Variants in CCDC7 observed in about 807,000 individuals in gnomAD.
The protein encoded by CCDC7 is coiled-coil domain-containing protein 7.
CCDC7 carries 183 observed loss-of-function variants against 196.9 expected under a neutral mutation model. That is an observed-to-expected ratio of 0.93 (90% CI 0.82 to 1.05). The LOEUF is 1.05. Among genes scored for constraint, CCDC7 ranks in the 50% least tolerant of loss-of-function variants. The probability of loss-of-function intolerance (pLI) is 0.00; values close to 1 mark genes in which losing one functional copy is unlikely to be tolerated. For synonymous variants in CCDC7, 525 were observed against 484.6 expected (o/e 1.08, Z -1.10); for missense variants, 1,540 against 1,482.2 (o/e 1.04, Z -0.64).
chr10:32,529,505 A>G (rs2049286866), intron 11 of CCDC7, among the ~76,000 whole-genome samples: 1 of 152,118 alleles, frequency 6.6e-6, no homozygotes, highest in Non-Finnish European at 1.5e-5. Context: ...GTTTTGTATC[A>G]TATTTCCCTG....
chr10:32,645,644 G>A (rs780909399), intron 20 of CCDC7, among the ~76,000 whole-genome samples: 2 of 151,682 alleles, frequency 1.3e-5, no homozygotes, highest in Non-Finnish European at 2.9e-5. Context: ...GTAGCAGTCA[G>A]CAGTGAACCC....
chr10:32,688,102 C>T (rs2076669704), intron 22 of CCDC7, among the ~76,000 whole-genome samples: 1 of 152,040 alleles, frequency 6.6e-6, no homozygotes, highest in African/African-American at 2.4e-5. Flanking sequence ...TCCTCATCTT[C>T]CTTGGACACT....
At chr10:32,659,719 A>G (rs1457950472) in intron 20 of CCDC7, among the ~76,000 whole-genome samples, 2 of 152,226 alleles carry the variant, frequency 1.3e-5, no homozygotes, top group African/African-American at 2.4e-5. Context: ...CGACAATCAT[A>G]TAAAAAAAGC....
intron 11 of CCDC7, among the ~76,000 whole-genome samples, chr10:32,528,698 A>ATATATATATACATATATACGTATTTACG (rs1564558802): frequency 7.3e-5 from 10 of 136,228 alleles, no homozygotes; most frequent in Non-Finnish European, 1.4e-4. Context: ...ATACACACAC[A>ATATATATATACATATATACGTATTTACG]TATATATGTA....
chr10:32,518,221 G>T (rs2047351376), intron 10 of CCDC7, among the ~76,000 whole-genome samples, 195 bp from the exon 12 acceptor site: 3 of 152,048 alleles, frequency 2.0e-5, no homozygotes, highest in Admixed American at 2.0e-4. Flanking sequence ...CATCTGAATA[G>T]TTCCAGTCCT....
At chr10:32,753,889 T>G (rs1396648446) in intron 28 of CCDC7, among the ~76,000 whole-genome samples, 1 of 152,152 alleles carries the variant, frequency 6.6e-6, no homozygotes, top group Non-Finnish European at 1.5e-5. Flanking sequence ...ATAAATTTCG[T>G]TTTTTGTGAG....
At chr10:32,787,503 A>C (rs2082058364) in intron 29 of CCDC7, among the ~76,000 whole-genome samples, 2 of 152,238 alleles carry the variant, frequency 1.3e-5, no homozygotes, top group Admixed American at 1.3e-4. Flanking sequence ...CATAATCTGC[A>C]TCACTCCCTC....
chr10:32,489,359 G>C (rs1186337131), intron 8 of CCDC7, among the ~76,000 whole-genome samples: 1 of 152,166 alleles, frequency 6.6e-6, no homozygotes, highest in African/African-American at 2.4e-5. Flanking sequence ...CTGGAATGTG[G>C]TCACACCTGG....
intron 29 of CCDC7, among the ~76,000 whole-genome samples, chr10:32,804,334 G>A (rs1041168386): frequency 6.6e-6 from 1 of 152,098 alleles, no homozygotes; most frequent in Non-Finnish European, 1.5e-5. Flanking sequence ...CAATGGAAAA[G>A]TACCCAATTT....
intron 28 of CCDC7, among the ~76,000 whole-genome samples, chr10:32,759,228 A>C (rs2077005199): frequency 2.0e-5 from 3 of 152,212 alleles, no homozygotes; most frequent in Admixed American, 1.3e-4. Flanking sequence ...TTCTTCACAG[A>C]ATTGGAGAAA....
chr10:32,777,565 A>G (rs1233264943), intron 28 of CCDC7, among the ~76,000 whole-genome samples: 1 of 152,042 alleles, frequency 6.6e-6, no homozygotes, highest in Non-Finnish European at 1.5e-5. Context: ...TTTTAATAAT[A>G]GCTATTCTGG....
At chr10:32,689,216 G>T (rs143558991) in intron 23 of CCDC7, 53 bp downstream of exon 24, 2 of 1,184,578 alleles carry the variant, frequency 1.7e-6, no homozygotes, top group Non-Finnish European at 1.2e-6. Context: ...AAGTTCATCC[G>T]AAGGTATTTT....
At chr10:32,667,221 A>AT (rs1347240875) in intron 21 of CCDC7, among the ~76,000 whole-genome samples, 2 of 151,718 alleles carry the variant, frequency 1.3e-5, no homozygotes, top group African/African-American at 4.8e-5. Context: ...GGTTTGTTTG[A>AT]TTTTTTCTTG....
At chr10:32,803,192 C>T (rs562907139) in intron 29 of CCDC7, among the ~76,000 whole-genome samples, 8 of 152,244 alleles carry the variant, frequency 5.3e-5, no homozygotes, top group South Asian at 2.1e-4. Context: ...AGCCAAAAGG[C>T]GAAGTGATGA....
At chr10:32,487,097 G>C (rs946627980) in intron 8 of CCDC7, among the ~76,000 whole-genome samples, 4 of 152,054 alleles carry the variant, frequency 2.6e-5, no homozygotes, top group Non-Finnish European at 5.9e-5. Flanking sequence ...TTTCCAACTT[G>C]GTTCCATTCT....
chr10:32,673,671 G>GTA (rs776973586), intron 21 of CCDC7, among the ~76,000 whole-genome samples: 1,842 of 151,496 alleles, frequency 0.012, 21 homozygotes, highest in Non-Finnish European at 0.02. Flanking sequence ...GTGTGTGTGT[G>GTA]TGTGTGTGTG....
intron 18 of CCDC7, among the ~76,000 whole-genome samples, chr10:32,586,897 G>A (rs2059336559): frequency 6.6e-6 from 1 of 152,128 alleles, no homozygotes; most frequent in African/African-American, 2.4e-5. Context: ...GAGGATACAG[G>A]AGCAACACTC....
chr10:32,475,155 G>T (rs544096978), intron 8 of CCDC7, among the ~76,000 whole-genome samples: 1 of 152,220 alleles, frequency 6.6e-6, no homozygotes, highest in East Asian at 1.9e-4. Flanking sequence ...CTCTCAATCT[G>T]TATGGTTGCC....
intron 18 of CCDC7, among the ~76,000 whole-genome samples, chr10:32,632,647 C>T (rs1447698666): frequency 6.6e-6 from 1 of 151,806 alleles, no homozygotes; most frequent in African/African-American, 2.4e-5. Context: ...TTTTGTTTTT[C>T]TTCACCTCAA....
Sources: allele counts gnomAD v4.1 joint callset (sites outside exome capture counted in the v4.1 genomes callset), GRCh38; gene constraint gnomAD v4.1.1; transcripts MANE v1.5; gene names NCBI Gene and HGNC (gene_info 2026-07-23, HGNC 2026-07-21).